Variants in CSMD1 observed in about 807,000 individuals in gnomAD.
CSMD1 encodes the protein CUB and sushi domain-containing protein 1.
A neutral mutation model predicts 417.5 loss-of-function variants in CSMD1; 213 were observed. The ratio of observed to expected loss-of-function variants is 0.51; its 90% CI spans 0.46 to 0.57. CSMD1 has a LOEUF of 0.57. CSMD1 is among the 20% of genes least tolerant of loss of function. CSMD1 has a pLI of 0.00. For missense variants in CSMD1, 6,923 were observed against 4,529.7 expected, an observed-to-expected ratio of 1.53 and a Z score of -15.17; for synonymous variants, 2,862 against 1,736.8, an observed-to-expected ratio of 1.65 and a Z score of -16.11.
At chr8:4,309,824 T>C (rs1045004478) in intron 3 of CSMD1, among the ~76,000 whole-genome samples, 5 of 152,304 alleles carry the variant, frequency 3.3e-5, no homozygotes, top group Admixed American at 6.5e-5. Flanking sequence ...CCTTACTTCA[T>C]TTTAAATATA....
At chr8:4,225,937 T>A (rs1365600121) in intron 3 of CSMD1, among the ~76,000 whole-genome samples, 3 of 152,198 alleles carry the variant, frequency 2.0e-5, no homozygotes, top group Non-Finnish European at 4.4e-5. Context: ...TTGGTAGAAT[T>A]TATTTGAATG....
intron 10 of CSMD1, among the ~76,000 whole-genome samples, chr8:3,520,012 G>GTGTATACATATATATATATA (rs1225105460): frequency 1.6e-4 from 19 of 120,116 alleles, no homozygotes; most frequent in Middle Eastern, 4.4e-3. Flanking sequence ...GTGTGTGTGT[G>GTGTATACATATATATATATA]TATATACCTA....
At chr8:3,676,918 C>T (rs1054974352) in intron 7 of CSMD1, among the ~76,000 whole-genome samples, 1 of 151,956 alleles carries the variant, frequency 6.6e-6, no homozygotes, top group Admixed American at 6.6e-5. Flanking sequence ...AAACCAAACA[C>T]CACATGTTCA....
chr8:4,911,499 C>A (rs942126836), intron 1 of CSMD1, among the ~76,000 whole-genome samples: 8 of 152,126 alleles, frequency 5.3e-5, no homozygotes, highest in Non-Finnish European at 7.3e-5. Context: ...ACCTCAATGT[C>A]ATTAACATTC....
rs147015067 is a variant in CSMD1, at chr8:3,712,943, T to C, written c.932-4452A>G. On this transcript the variant is annotated intron_variant, in intron 6 of 69. Transcript: ENST00000635120. ...GATCCCTGATACATCATTGTGACTG[T>C]AGTTAATAACAATGTATTGTGTGCT... Among the ~76,000 whole-genome samples the C allele has an allele frequency of 3.7e-4, 56 of 152,292 alleles. No homozygotes were observed. The East Asian group carries it at 7.9e-3, about 22-fold the overall frequency.
At chr8:4,177,683 C>A (rs1798128708) in intron 3 of CSMD1, among the ~76,000 whole-genome samples, 2 of 140,186 alleles carry the variant, frequency 1.4e-5, no homozygotes, top group African/African-American at 2.7e-5. Flanking sequence ...AGACCGCTAG[C>A]AAGACTAACA....
chr8:4,433,585 C>T (rs1585067262), intron 2 of CSMD1, among the ~76,000 whole-genome samples: 3 of 152,122 alleles, frequency 2.0e-5, no homozygotes, highest in East Asian at 3.9e-4. Flanking sequence ...AGATGAAAAG[C>T]GCCCTTAAAA....
intron 10 of CSMD1, among the ~76,000 whole-genome samples, chr8:3,532,566 C>G (rs992900402): frequency 2.0e-5 from 3 of 152,144 alleles, no homozygotes; most frequent in African/African-American, 7.2e-5. Flanking sequence ...AGGTTCAACA[C>G]AGGATTTGAT....
chr8:4,784,006 A>G (rs115916696), intron 1 of CSMD1, among the ~76,000 whole-genome samples: 343 of 152,346 alleles, frequency 2.3e-3, no homozygotes, highest in African/African-American at 8.0e-3. Context: ...CAGTACGATT[A>G]GTGAAAATTA....
In CSMD1 at chr8:4,757,822, G is replaced by A. The variant is rs368917467; in HGVS notation, c.86-120264C>T. On this transcript the variant is annotated intron_variant, in intron 1 of 69. Coordinates refer to ENST00000635120, the MANE Select transcript of CSMD1 (RefSeq NM_033225.6). Reference sequence around the variant, plus strand: ...AAAAATAGGAAAATTAGCGAGGCACGGTGGCGCACACCTGTAATCCCAGCT... The same window carrying A: ...AAAAATAGGAAAATTAGCGAGGCACAGTGGCGCACACCTGTAATCCCAGCT... Among the ~76,000 whole-genome samples, 30 of 151,914 alleles carry A rather than the reference G, an allele frequency of 2.0e-4. No homozygotes were observed. The East Asian group carries it at 2.3e-3, about 12-fold the overall frequency.
At position 3,633,705 on chromosome 8, in the gene CSMD1, C is replaced by G. The variant is rs1007122178; in HGVS notation, c.1010-16908G>C. On this transcript the variant is annotated intron_variant, in intron 7 of 69. Transcript: ENST00000635120. Reference sequence around the variant, plus strand: ...ATAAATCTGAAAACATTCAATGATCCTTCAATTAAAAATGGAAATGTCATG... The same window carrying G: ...ATAAATCTGAAAACATTCAATGATCGTTCAATTAAAAATGGAAATGTCATG... Among the ~76,000 whole-genome samples the G allele has an allele frequency of 2.0e-5, 3 of 152,036 alleles. No individual in the cohort carries two copies. The East Asian group carries it at 5.8e-4, about 29-fold the overall frequency.
chr8:3,131,911 C>A (rs1817813961), intron 41 of CSMD1, among the ~76,000 whole-genome samples: 1 of 152,152 alleles, frequency 6.6e-6, no homozygotes, highest in Non-Finnish European at 1.5e-5. Context: ...TGAATTCTAT[C>A]CTCAAGGCCC....
intron 69 of CSMD1, among the ~76,000 whole-genome samples, chr8:2,941,315 G>A (rs1457855073): frequency 6.6e-6 from 1 of 152,110 alleles, no homozygotes; most frequent in Non-Finnish European, 1.5e-5. Context: ...ATTTAAAGAG[G>A]CTATTTCATG....
At chr8:4,762,825 G>C (rs542603646) in intron 1 of CSMD1, among the ~76,000 whole-genome samples, 1 of 152,216 alleles carries the variant, frequency 6.6e-6, no homozygotes, top group African/African-American at 2.4e-5. Flanking sequence ...ATTTACTAAC[G>C]CGAAGAAAAG....
chr8:4,198,311 C>G (rs981091362), intron 3 of CSMD1, among the ~76,000 whole-genome samples: 14 of 152,362 alleles, frequency 9.2e-5, no homozygotes, highest in African/African-American at 2.9e-4. Context: ...CAGGGGCTGG[C>G]AAGCCCGACA....
chr8:4,086,141 G>C (rs1159617234), intron 3 of CSMD1, among the ~76,000 whole-genome samples: 1 of 152,012 alleles, frequency 6.6e-6, no homozygotes, highest in East Asian at 1.9e-4. Context: ...CTACATTTAA[G>C]TTGCAATTTT....
intron 12 of CSMD1, among the ~76,000 whole-genome samples, chr8:3,462,738 G>C (rs996407557): frequency 1.3e-5 from 2 of 152,164 alleles, no homozygotes; most frequent in Non-Finnish European, 2.9e-5. Context: ...ACCTCTCCCA[G>C]TCCATGGAAA....
At chr8:3,764,676 T>C (rs1798174027) in intron 5 of CSMD1, among the ~76,000 whole-genome samples, 3 of 151,922 alleles carry the variant, frequency 2.0e-5, no homozygotes, top group South Asian at 4.1e-4. Flanking sequence ...GTTCATTATC[T>C]AGAGCAGTAA....
At chr8:3,786,226 G>A (rs1238185770) in intron 5 of CSMD1, among the ~76,000 whole-genome samples, 2 of 152,158 alleles carry the variant, frequency 1.3e-5, no homozygotes, top group Non-Finnish European at 2.9e-5. Flanking sequence ...GGATCAAGGT[G>A]TCGCTAAGAC....
Sources: gnomAD v4.1 joint callset for allele counts (sites outside exome capture counted in the v4.1 genomes callset) on GRCh38, gnomAD v4.1.1 for gene constraint, MANE v1.5 for transcripts, NCBI Gene and HGNC (gene_info 2026-07-23, HGNC 2026-07-21) for gene names.